ATP9A: variants seen among roughly 807,000 people sequenced by gnomAD.
The protein encoded by ATP9A is ATPase phospholipid transporting 9A, also known as probable phospholipid-transporting ATPase IIA.
A neutral mutation model predicts 144.1 loss-of-function variants in ATP9A; 52 were observed. The observed-to-expected ratio is 0.36, with a 90% CI of 0.29 to 0.45. The LOEUF is 0.45. ATP9A is among the 20% of genes least tolerant of loss of function. The probability of loss-of-function intolerance (pLI) is 1.00; values close to 1 mark genes in which losing one functional copy is unlikely to be tolerated. For synonymous variants in ATP9A, 582 were observed against 557.4 expected, an observed-to-expected ratio of 1.04 and a Z score of -0.62; for missense variants, 947 against 1,392.7, an observed-to-expected ratio of 0.68 and a Z score of 5.09.
intron 9 of ATP9A, among the ~76,000 whole-genome samples, chr20:51,685,028 A>T (rs1414447708): frequency 9.9e-5 from 15 of 151,934 alleles, no homozygotes; most frequent in South Asian, 6.2e-4. Context: ...AAAAAAAAAA[A>T]AAAAAAAAAA....
At chr20:51,721,526 G>A (rs1026530031) in intron 3 of ATP9A, among the ~76,000 whole-genome samples, 16 of 152,088 alleles carry the variant, frequency 1.1e-4, no homozygotes, top group Admixed American at 1.3e-4. Flanking sequence ...TGGGCCAGGC[G>A]CAGTGGCTCA....
At chr20:51,637,799 T>C (rs960821960) in intron 15 of ATP9A, among the ~76,000 whole-genome samples, 4 of 151,024 alleles carry the variant, frequency 2.6e-5, no homozygotes, top group Non-Finnish European at 5.9e-5. Context: ...CGTGCACCCA[T>C]CACCTGAGCA....
Position 51,611,441 on chromosome 20 carries a change from G to T in ATP9A, c.2572-1276C>A, listed in dbSNP as rs1601055043. On this transcript the variant is annotated intron_variant, in intron 23 of 27. Transcript: ENST00000338821. The surrounding 1 kb of genome is among the most constrained non-coding windows in gnomAD (Gnocchi z 4.2). ...ATCAGGAGCCCCTTCCTCTAAAAGGGTCATCCTAACCACAAAGTCTTCATC... is the reference window on the plus strand; with the variant it reads ...ATCAGGAGCCCCTTCCTCTAAAAGGTTCATCCTAACCACAAAGTCTTCATC... Among the ~76,000 whole-genome samples the T allele has an allele frequency of 6.6e-6, 1 of 152,144 alleles. No individual in the cohort carries two copies. Among genetic ancestry groups the T allele is most frequent in the Non-Finnish European group, 1.5e-5 (1 of 68,032 alleles).
chr20:51,694,159 C>A (rs1380791276), intron 6 of ATP9A, 57 bp from the exon 7 acceptor site: 57 of 1,452,846 alleles, frequency 3.9e-5, no homozygotes, highest in Non-Finnish European at 5.3e-5. Context: ...CCCTTGGCAG[C>A]TCTGGGCAGC....
intron 1 of ATP9A, among the ~76,000 whole-genome samples, chr20:51,733,585 G>A (rs2077751002): frequency 6.6e-6 from 1 of 152,116 alleles, no homozygotes; most frequent in Admixed American, 6.6e-5. Flanking sequence ...ATGTTGGTCA[G>A]ACTGGTCTTG....
intron 17 of ATP9A, 84 bp from the exon 18 acceptor site, chr20:51,625,446 C>T: frequency 1.4e-6 from 2 of 1,465,140 alleles, no homozygotes; most frequent in Non-Finnish European, 1.8e-6. Flanking sequence ...GGAAGGGCCA[C>T]ACCCGATCCC....
At chr20:51,681,008 C>G (rs2077497663) in intron 9 of ATP9A, among the ~76,000 whole-genome samples, 1 of 152,152 alleles carries the variant, frequency 6.6e-6, no homozygotes, top group Non-Finnish European at 1.5e-5. Context: ...GAAAATGTAT[C>G]TTTAACTCCA....
chr20:51,608,921 A>ATGTGTGTGTG (rs1491526287), intron 24 of ATP9A, among the ~76,000 whole-genome samples: 9 of 31,044 alleles, frequency 2.9e-4, no homozygotes, highest in African/African-American at 9.7e-4. Flanking sequence ...AGGAAATAAG[A>ATGTGTGTGTG]CGTGTGTGTG....
At chr20:51,608,446 G>T in intron 25 of ATP9A, 72 bp downstream of exon 25, 4 of 967,958 alleles carry the variant, frequency 4.1e-6, no homozygotes, top group Non-Finnish European at 6.7e-6. Context: ...AAGAAAAAAA[G>T]CAGGGAGGGA....
intron 3 of ATP9A, among the ~76,000 whole-genome samples, chr20:51,716,965 G>A (rs1247304755): frequency 6.6e-6 from 1 of 152,084 alleles, no homozygotes; most frequent in Non-Finnish European, 1.5e-5. Context: ...CCTGAGGTCA[G>A]GAGTTCCAGA....
intron 18 of ATP9A, among the ~76,000 whole-genome samples, 190 bp downstream of exon 18, chr20:51,625,002 C>G (rs1243725424): frequency 2.0e-5 from 1 of 50,554 alleles, no homozygotes; most frequent in Middle Eastern, 0.011. Context: ...GAGACCCCGT[C>G]TCAAAAAAAA....
chr20:51,767,362 G>C (rs980443802), intron 1 of ATP9A, among the ~76,000 whole-genome samples: 1 of 152,156 alleles, frequency 6.6e-6, no homozygotes, highest in Non-Finnish European at 1.5e-5. Context: ...TCTAGGCGGG[G>C]GCCGGGAAAT....
chr20:51,616,508 G>A (rs1372737308), intron 22 of ATP9A, among the ~76,000 whole-genome samples: 3 of 151,958 alleles, frequency 2.0e-5, no homozygotes, highest in East Asian at 1.9e-4. Context: ...TAGTAGAGAC[G>A]GGGTTTCACC....
chr20:51,739,055 C>T (rs1389309320), intron 1 of ATP9A, among the ~76,000 whole-genome samples: 1 of 152,184 alleles, frequency 6.6e-6, no homozygotes, highest in African/African-American at 2.4e-5. Flanking sequence ...CACCACTGTA[C>T]TCCACCCTGG....
chr20:51,713,057 G>A lies in ATP9A; in HGVS notation c.345C>T (p.Val115=). ...YWVPLGFVLA[V]TVIREAVEEI... is the part of the protein sequence containing the mutation. ...CCTCCACCGCCTCACGGATGACAGT[G>A]ACGGCCAGCACGAAGCCCTGCAGAG... Residue 115 remains valine, a synonymous_variant, in exon 4 of 28, where the codon GTC becomes GTT. Coordinates refer to ENST00000338821, the MANE Select transcript of ATP9A (RefSeq NM_006045.3). 6.2e-7 allele frequency: 1 copy of A among 1,611,814 alleles called. No individual in the cohort carries two copies. Among genetic ancestry groups the A allele is most frequent in the South Asian group, 1.1e-5 (1 of 90,588 alleles).
chr20:51,681,550 T>C (rs1262623838), intron 9 of ATP9A, among the ~76,000 whole-genome samples: 1 of 151,178 alleles, frequency 6.6e-6, no homozygotes, highest in Non-Finnish European at 1.5e-5. Context: ...GCCTCCCAAG[T>C]AACTGGGACT....
At chr20:51,619,574 AAAG>A (rs1300742942) in intron 19 of ATP9A, among the ~76,000 whole-genome samples, 24 of 72,254 alleles carry the variant, frequency 3.3e-4, no homozygotes, top group South Asian at 3.1e-3. Context: ...TAAAAAAAAA[AAAG>A]GGGGGGGGGG....
At chr20:51,661,791 C>A (rs2426359) in intron 13 of ATP9A, among the ~76,000 whole-genome samples, 74,353 of 151,434 alleles carry the variant, frequency 0.49, 19,016 homozygotes, top group East Asian at 0.8. Flanking sequence ...AAGAGACAGG[C>A]TCAGAGCTAC....
chr20:51,627,756 C>G, intron 16 of ATP9A, 73 bp from the exon 17 acceptor site: 1 of 1,235,752 alleles, frequency 8.1e-7, no homozygotes, highest in Non-Finnish European at 1.2e-6. Flanking sequence ...GACCAGTGCC[C>G]AAGTGGATGT....
Sources: gnomAD v4.1 joint callset for allele counts (sites outside exome capture counted in the v4.1 genomes callset) on GRCh38, gnomAD v4.1.1 for gene constraint, Gnocchi (gnomAD v3.1) non-coding constraint, MANE v1.5 for transcripts, NCBI Gene and HGNC (gene_info 2026-07-23, HGNC 2026-07-21) for gene names.